TBK1: variants seen among roughly 807,000 people sequenced by gnomAD.
The protein encoded by TBK1 is TANK binding kinase 1.
A neutral mutation model predicts 99.9 loss-of-function variants in TBK1; 37 were observed. The observed-to-expected ratio is 0.37, with a 90% CI of 0.28 to 0.49. The LOEUF is 0.49. Among genes scored for constraint, TBK1 ranks in the 20% least tolerant of loss-of-function variants. The pLI, the probability that TBK1 is intolerant of heterozygous loss-of-function variation, is 0.98. For synonymous variants in TBK1, 258 were observed against 279.8 expected, an observed-to-expected ratio of 0.92 and a Z score of 0.78; for missense variants, 644 against 872.5, an observed-to-expected ratio of 0.74 and a Z score of 3.30.
intron 13 of TBK1, among the ~76,000 whole-genome samples, chr12:64,493,636 A>G (rs944780751): frequency 6.6e-6 from 1 of 152,044 alleles, no homozygotes; most frequent in African/African-American, 2.4e-5. Flanking sequence ...AAATAAAAAA[A>G]AAGTAAAGAA....
chr12:64,466,927 A>T lies in TBK1; in HGVS notation c.385A>T (p.Asn129Tyr). The T allele has an allele frequency of 1.2e-6, 2 of 1,602,906 alleles. No homozygotes were observed. The highest frequency in any genetic ancestry group is 1.7e-6 in the Non-Finnish European group (2 of 1,174,850). The change falls in exon 5 of 21, where the codon AAT (asparagine) becomes TAT (tyrosine). Residue 129 changes from asparagine (N) to tyrosine (Y), a missense_variant. Coordinates refer to ENST00000331710, the MANE Select transcript of TBK1 (RefSeq NM_013254.4). ...VVGGMNHLRE[N>Y]GIVHRDIKPG... Reference sequence around the variant, plus strand: ...GGGTGGAATGAATCATCTACGAGAGAATGGTATAGTGCACCGTGATATCAA... The same window carrying T: ...GGGTGGAATGAATCATCTACGAGAGTATGGTATAGTGCACCGTGATATCAA...
chr12:64,465,242 CAAAA>C (rs57575805), intron 4 of TBK1, among the ~76,000 whole-genome samples: 3 of 57,914 alleles, frequency 5.2e-5, no homozygotes, highest in East Asian at 5.4e-4. Flanking sequence ...AAGACTATCT[CAAAA>C]AAAAAAAAAA....
At chr12:64,457,130 GA>G (rs1316657242) in intron 2 of TBK1, among the ~76,000 whole-genome samples, 2 of 152,122 alleles carry the variant, frequency 1.3e-5, no homozygotes, top group East Asian at 3.9e-4. Flanking sequence ...TAGTAGAGAG[GA>G]ATTGCTTCCT....
chr12:64,483,593 G>C (rs773034864), intron 8 of TBK1, among the ~76,000 whole-genome samples: 21 of 152,216 alleles, frequency 1.4e-4, no homozygotes, highest in Non-Finnish European at 2.9e-4. Flanking sequence ...ACAGTGCAGA[G>C]GAGTTAAGTC....
chr12:64,453,966 T>A (rs1393258995), intron 1 of TBK1, among the ~76,000 whole-genome samples: 1 of 152,208 alleles, frequency 6.6e-6, no homozygotes, highest in Non-Finnish European at 1.5e-5. Context: ...GCACCTTTCC[T>A]TTATGTTTGT....
At chr12:64,493,121 C>T (rs2040887955) in intron 13 of TBK1, among the ~76,000 whole-genome samples, 1 of 151,912 alleles carries the variant, frequency 6.6e-6, no homozygotes, top group Non-Finnish European at 1.5e-5. Flanking sequence ...GTCTCAATCT[C>T]CTGACCTCAT....
At position 64,481,841 on chromosome 12, in the gene TBK1, G is replaced by T; in HGVS notation, c.813-1G>T. The T allele has an allele frequency of 1.3e-6, 2 of 1,570,148 alleles. No homozygotes were observed. Among genetic ancestry groups the T allele is most frequent in the Non-Finnish European group, 1.7e-6 (2 of 1,161,694 alleles). On this transcript the variant is annotated splice_acceptor_variant, in intron 7 of 20. Transcript: ENST00000331710. LOFTEE classifies it high-confidence loss of function. The stretch of plus-strand genomic sequence containing the variant: ...CAAGTAACTTTTCAATACTATTTTA[G>T]GGGTCTTCAGGTTCTACTTACCCCT...
At chr12:64,462,059 T>G (rs1217374021) in intron 3 of TBK1, among the ~76,000 whole-genome samples, 1 of 152,182 alleles carries the variant, frequency 6.6e-6, no homozygotes, top group African/African-American at 2.4e-5. Flanking sequence ...TTATTGCCTG[T>G]ATTGCTGACC....
At chr12:64,493,095 C>A (rs932341502) in intron 13 of TBK1, among the ~76,000 whole-genome samples, 4 of 151,692 alleles carry the variant, frequency 2.6e-5, no homozygotes, top group Non-Finnish European at 5.9e-5. Flanking sequence ...GGGGTTTCAC[C>A]GTATTAGCCA....
intron 16 of TBK1, 121 bp downstream of exon 16, chr12:64,496,527 T>A: frequency 1.9e-6 from 1 of 523,990 alleles, no homozygotes; most frequent in Non-Finnish European, 3.1e-6. Flanking sequence ...ATCTTGATTT[T>A]ACAGGATTGT....
chr12:64,469,712 G>A (rs775870768), intron 5 of TBK1, among the ~76,000 whole-genome samples: 32 of 152,018 alleles, frequency 2.1e-4, no homozygotes, highest in Non-Finnish European at 4.1e-4. Flanking sequence ...GCTCAAGCGC[G>A]TGTCCTTCAA....
At chr12:64,492,674 C>G (rs545223097) in intron 13 of TBK1, among the ~76,000 whole-genome samples, 1 of 151,960 alleles carries the variant, frequency 6.6e-6, no homozygotes, top group East Asian at 1.9e-4. Context: ...CTTATGACAT[C>G]AGGACTTCTC....
At chr12:64,491,781 T>C (rs1051974041) in intron 13 of TBK1, among the ~76,000 whole-genome samples, 12 of 152,238 alleles carry the variant, frequency 7.9e-5, no homozygotes, top group Admixed American at 7.9e-4. Context: ...TCCTCAGTTT[T>C]AGATCTCAAA....
intron 13 of TBK1, among the ~76,000 whole-genome samples, chr12:64,492,731 C>CTT (rs36044305): frequency 0.04 from 5,920 of 147,452 alleles, 377 homozygotes; most frequent in African/African-American, 0.14. Context: ...TTCTCTTTTT[C>CTT]TTTTTTTTTT....
At chr12:64,492,548 C>T (rs750241814) in intron 13 of TBK1, among the ~76,000 whole-genome samples, 3 of 152,126 alleles carry the variant, frequency 2.0e-5, no homozygotes, top group Non-Finnish European at 4.4e-5. Flanking sequence ...TCAGGTGATC[C>T]GCCCGCCTTG....
At chr12:64,489,917 T>A (rs1361181294) in intron 12 of TBK1, 124 bp from the exon 13 acceptor site, 1 of 641,946 alleles carries the variant, frequency 1.6e-6, no homozygotes, top group Non-Finnish European at 2.5e-6. Context: ...GCTTATAGAC[T>A]TTGAATCAAT....
intron 11 of TBK1, 43 bp from the exon 12 acceptor site, chr12:64,488,443 AT>A (rs775378767): frequency 3.2e-6 from 4 of 1,235,304 alleles, no homozygotes; most frequent in Non-Finnish European, 3.4e-6. Flanking sequence ...GATAGAAAAA[AT>A]AACTCCTTAG....
chr12:64,456,009 C>G (rs761106202), intron 2 of TBK1, 52 bp downstream of exon 2: 1 of 1,296,746 alleles, frequency 7.7e-7, no homozygotes, highest in Non-Finnish European at 1.1e-6. Flanking sequence ...GTATTTTGTT[C>G]TAAGATGCAT....
At chr12:64,468,845 TGTTCTGTGCC>T (rs1565815168) in intron 5 of TBK1, among the ~76,000 whole-genome samples, 1 of 152,178 alleles carries the variant, frequency 6.6e-6, no homozygotes, top group Non-Finnish European at 1.5e-5. Context: ...TTCTGACTGC[TGTTCTGTGCC>T]GTTCCCTGGC....
Sources: allele counts gnomAD v4.1 joint callset (sites outside exome capture counted in the v4.1 genomes callset), GRCh38; gene constraint gnomAD v4.1.1; transcripts MANE v1.5; gene names NCBI Gene and HGNC (gene_info 2026-07-23, HGNC 2026-07-21).